Variants in EPHA2 observed in about 807,000 individuals in gnomAD.
The protein encoded by EPHA2 is ephrin type-A receptor 2.
Under a neutral mutation model 104.9 loss-of-function variants are expected in EPHA2, and 54 were observed. The ratio of observed to expected loss-of-function variants is 0.51; its 90% CI spans 0.41 to 0.65. The LOEUF (loss-of-function observed/expected upper bound fraction) is 0.65, where lower values mean the gene tolerates loss of function less well. Ranked by LOEUF, EPHA2 falls within the 30% of genes least tolerant of loss-of-function variation. The pLI, the probability that EPHA2 is intolerant of heterozygous loss-of-function variation, is 0.00. For missense variants in EPHA2, 1,117 were observed against 1,369.5 expected, an observed-to-expected ratio of 0.82 and a Z score of 2.91; for synonymous variants, 560 against 559.1, an observed-to-expected ratio of 1.00 and a Z score of -0.02.
chr1:16,134,053 C>T lies in EPHA2; in HGVS notation c.1683-138G>A, dbSNP rs1272390011. The T allele has an allele frequency of 1.1e-5, 9 of 845,532 alleles. No homozygotes were observed. The highest frequency in any genetic ancestry group is 1.6e-5 in the Non-Finnish European group (9 of 554,410). The allele number at this position is 845,532 out of a possible 1,614,324, so 52.4% of individuals were successfully genotyped here. A position where few individuals can be genotyped will look rare whatever the true frequency, so the allele number is the denominator to read the frequency against. On this transcript the variant is annotated intron_variant, in intron 8 of 16. Coordinates refer to ENST00000358432, the MANE Select transcript of EPHA2 (RefSeq NM_004431.5). This position sits in a 1 kb window ranked among gnomAD's most constrained non-coding sequence, Gnocchi z 4.5. ...CGGCCCAGTCCCCGCTTTTGCTGCCCAAGCTCCACTCTCAGGGCCGAGGGT... is the reference window on the plus strand; with the variant it reads ...CGGCCCAGTCCCCGCTTTTGCTGCCTAAGCTCCACTCTCAGGGCCGAGGGT...
chr1:16,155,546 C>A (rs534274995), intron 1 of EPHA2: 2 of 378,404 alleles, frequency 5.3e-6, no homozygotes, highest in African/African-American at 2.1e-5. Context: ...CCACGCCCCC[C>A]GCCGGGACGC....
intron 2 of EPHA2, among the ~76,000 whole-genome samples, chr1:16,149,257 C>A (rs761774585): frequency 6.6e-6 from 1 of 152,138 alleles, no homozygotes; most frequent in Non-Finnish European, 1.5e-5. Context: ...TGTCTGGAAG[C>A]CAAACCTCTC....
At chr1:16,149,490 GTAT>G (rs2024997638) in intron 2 of EPHA2, among the ~76,000 whole-genome samples, 1 of 152,206 alleles carries the variant, frequency 6.6e-6, no homozygotes, top group Non-Finnish European at 1.5e-5. Flanking sequence ...GTTACTCTTG[GTAT>G]TATTCACCAT....
chr1:16,147,630 T>A (rs1328618423), intron 3 of EPHA2, among the ~76,000 whole-genome samples: 1 of 151,486 alleles, frequency 6.6e-6, no homozygotes, highest in Non-Finnish European at 1.5e-5. Context: ...TTAAAAGTAC[T>A]CATGTGGCAG....
rs2124264309 is a variant in EPHA2, at chr1:16,148,967, G to A, written c.234C>T (p.Asp78=). The stretch of plus-strand genomic sequence containing the variant: ...ACACCCAGTTGGTGCGGAGCCAGTT[G>A]TCCTGGTCGCCAGACATCACGTTGC... The part of the protein sequence containing the change: ...SVCNVMSGDQ[D]NWLRTNWVYR... Residue 78 remains aspartate, a synonymous_variant, in exon 3 of 17, where the codon GAC becomes GAT. Coordinates refer to ENST00000358432, the MANE Select transcript of EPHA2 (RefSeq NM_004431.5). This position sits in a 1 kb window ranked among gnomAD's most constrained non-coding sequence, Gnocchi z 4.9. 6.2e-7 allele frequency: 1 copy of A among 1,614,124 alleles called. No individual in the cohort carries two copies.
chr1:16,141,749 C>T (rs2024828253), intron 3 of EPHA2, among the ~76,000 whole-genome samples: 1 of 152,254 alleles, frequency 6.6e-6, no homozygotes, highest in South Asian at 2.1e-4. Flanking sequence ...CTCTTTGGCC[C>T]CAGCGCCCGG....
Position 16,134,925 on chromosome 1 carries a change from G to A in EPHA2, c.1582+111C>T. ...CGAAGGGCTGTCCCAGGCCGCCGGT[G>A]ACCGAGAAAGGGGCATTTCTAAGTT... is the stretch of plus-strand genomic sequence containing the variant. On this transcript the variant is annotated intron_variant, in intron 7 of 16. Transcript: ENST00000358432. This position sits in a 1 kb window ranked among gnomAD's most constrained non-coding sequence, Gnocchi z 4.5. The A allele has an allele frequency of 6.5e-6, 10 of 1,534,316 alleles. No individual in the cohort carries two copies. The South Asian group carries it at 1.1e-4, about 16-fold the overall frequency.
chr1:16,131,929 C>G lies in EPHA2; in HGVS notation c.2326-59G>C. On this transcript the variant is annotated intron_variant, in intron 13 of 16. Transcript: ENST00000358432. This position sits in a 1 kb window ranked among gnomAD's most constrained non-coding sequence, Gnocchi z 5.2. Reference sequence around the variant, plus strand: ...CCTCTGGCTGGCCCCAGGACCATTGCAGCCAAGCCCCACGACCCCTCCCTG... The same window carrying G: ...CCTCTGGCTGGCCCCAGGACCATTGGAGCCAAGCCCCACGACCCCTCCCTG... 1 of 1,601,838 alleles carries G rather than the reference C, an allele frequency of 6.2e-7. No homozygotes were observed. Among genetic ancestry groups the G allele is most frequent in the Non-Finnish European group, 8.5e-7 (1 of 1,173,534 alleles).
Position 16,125,001 on chromosome 1 carries a change from T to C in EPHA2, c.*214A>G. On this transcript the variant is annotated 3_prime_UTR_variant, in exon 17 of 17. Coordinates refer to ENST00000358432, the MANE Select transcript of EPHA2 (RefSeq NM_004431.5). This position sits in a 1 kb window ranked among gnomAD's most constrained non-coding sequence, Gnocchi z 4.9. ...GGTGCCTGCTAAGTGCTCAGCTGTG[T>C]GCGTCTCGCAGGGAAAGAGGGCCCA... The C allele has an allele frequency of 1.7e-6, 1 of 599,236 alleles. No individual in the cohort carries two copies. The highest frequency in any genetic ancestry group is 3.0e-6 in the Non-Finnish European group (1 of 329,458). 37.1% of individuals were successfully genotyped at this position (599,236 alleles called of 1,614,324 possible).
intron 3 of EPHA2, among the ~76,000 whole-genome samples, chr1:16,140,812 C>T (rs1343062921): frequency 6.6e-6 from 1 of 152,132 alleles, no homozygotes; most frequent in Non-Finnish European, 1.5e-5. Flanking sequence ...AGAGATGCAG[C>T]CTGGTCTCGA....
At chr1:16,151,445 G>T (rs1254887483) in intron 1 of EPHA2, among the ~76,000 whole-genome samples, 1 of 152,200 alleles carries the variant, frequency 6.6e-6, no homozygotes, top group Non-Finnish European at 1.5e-5. Context: ...CCCCCCAGCA[G>T]GAAACACACC....
rs1557516203 is a variant in EPHA2 at position 16,149,610 on chromosome 1, C to T, written c.154-563G>A. On this transcript the variant is annotated intron_variant, in intron 2 of 16. Coordinates refer to ENST00000358432, the MANE Select transcript of EPHA2 (RefSeq NM_004431.5). Reference sequence around the variant, plus strand: ...TTTGCAGCAGATGAACATGTTCCTCCCTCCCTGGATCATAACTCAGCCTTC... The same window carrying T: ...TTTGCAGCAGATGAACATGTTCCTCTCTCCCTGGATCATAACTCAGCCTTC... Among the ~76,000 whole-genome samples, 5 of 152,220 alleles carry T rather than the reference C, an allele frequency of 3.3e-5. 1 individual carries two copies. The highest frequency in any genetic ancestry group is 6.5e-5 in the Admixed American group (1 of 15,284).
At position 16,134,176 on chromosome 1, in the gene EPHA2, G is replaced by A. The variant is rs1353961791; in HGVS notation, c.1683-261C>T. Among the ~76,000 whole-genome samples, 2 of 152,140 alleles carry A rather than the reference G, an allele frequency of 1.3e-5. No individual in the cohort carries two copies. Among genetic ancestry groups the A allele is most frequent in the Non-Finnish European group, 2.9e-5 (2 of 68,010 alleles). ...GAATGGCCCCTTAAGCAGTCGTGAC[G>A]AAGGCATTCCCATTAGAGCTACTCG... On this transcript the variant is annotated intron_variant, in intron 8 of 16. Coordinates refer to ENST00000358432, the MANE Select transcript of EPHA2 (RefSeq NM_004431.5). This position sits in a 1 kb window ranked among gnomAD's most constrained non-coding sequence, Gnocchi z 4.5.
intron 3 of EPHA2, 111 bp from the exon 4 acceptor site, chr1:16,138,541 A>G: frequency 2.0e-6 from 3 of 1,488,036 alleles, no homozygotes; most frequent in South Asian, 1.2e-5. Context: ...GCAGGTCAGT[A>G]AATCTCTATG....
intron 3 of EPHA2, among the ~76,000 whole-genome samples, chr1:16,146,718 C>A (rs558101723): frequency 6.6e-6 from 1 of 152,174 alleles, no homozygotes; most frequent in Non-Finnish European, 1.5e-5. Flanking sequence ...AACTTCTCAT[C>A]GGGGGGTTTA....
rs373562935 is a variant in EPHA2 at position 16,150,869 on chromosome 1, C to T, written c.153+27G>A. On this transcript the variant is annotated intron_variant, in intron 2 of 16. Transcript: ENST00000358432. The surrounding 1 kb of genome is among the most constrained non-coding windows in gnomAD (Gnocchi z 4.8). ...GGGACCAGCAGCCCCATTCTCACAC[C>T]TCTCCCCACCCCGAAGGCTTACATA... 1.2e-6 allele frequency: 2 copies of T among 1,613,750 alleles called. No individual in the cohort carries two copies. Among genetic ancestry groups the T allele is most frequent in the South Asian group, 1.1e-5 (1 of 91,076 alleles).
intron 3 of EPHA2, among the ~76,000 whole-genome samples, chr1:16,139,840 A>G (rs2024788594): frequency 6.6e-6 from 1 of 152,138 alleles, no homozygotes; most frequent in Admixed American, 6.5e-5. Flanking sequence ...CCTGGAGGCA[A>G]TGGAAAGCCG....
chr1:16,138,038 C>T lies in EPHA2; in HGVS notation c.1127G>A (p.Cys376Tyr), dbSNP rs1412712186. The T allele has an allele frequency of 1.2e-6, 2 of 1,613,484 alleles. No individual in the cohort carries two copies. Among genetic ancestry groups the T allele is most frequent in the Middle Eastern group, 1.7e-4 (1 of 6,060 alleles). The stretch of plus-strand genomic sequence containing the variant: ...GCGCACACTGGCCTCACACGGCCCG[C>T]ATTCCCCAGACTCGGGCCAGCACTG... Reference protein sequence around the residue: ...CEQCWPESGECGPCEASVRYS... With the variant: ...CEQCWPESGEYGPCEASVRYS... Residue 376 changes from cysteine to tyrosine, a missense_variant, in exon 5 of 17, where the codon TGC becomes TAC. Cys to Tyr is a radical substitution (Grantham distance 194). Around this residue, in one of 3 missense-constraint regions of EPHA2, gnomAD observed 664 missense variants for 784.8 expected, o/e 0.85. Coordinates refer to ENST00000358432, the MANE Select transcript of EPHA2 (RefSeq NM_004431.5).
At chr1:16,127,135 G>C (rs2024485001) in intron 16 of EPHA2, among the ~76,000 whole-genome samples, 1 of 152,162 alleles carries the variant, frequency 6.6e-6, no homozygotes, top group Admixed American at 6.5e-5. Context: ...CTGGCCCTGG[G>C]TGCAGGGAGA....
Sources: gnomAD v4.1 joint callset for allele counts (sites outside exome capture counted in the v4.1 genomes callset) on GRCh38, gnomAD v4.1.1 for gene constraint, gnomAD v4.1.1 regional missense constraint, Gnocchi (gnomAD v3.1) non-coding constraint, MANE v1.5 for transcripts, NCBI Gene and HGNC (gene_info 2026-07-23, HGNC 2026-07-21) for gene names.